ADORA2B: variants seen among roughly 807,000 people sequenced by gnomAD.
The protein encoded by ADORA2B is adenosine A2b receptor, also known as adenosine receptor A2b.
In ADORA2B, 18 loss-of-function variants were observed where a neutral mutation model predicts 20.8. The ratio of observed to expected loss-of-function variants is 0.87; its 90% CI spans 0.60 to 1.29. The LOEUF is 1.29. Among genes scored for constraint, ADORA2B ranks in the 50% most tolerant of loss-of-function variants. The probability of loss-of-function intolerance (pLI) is 0.00; values close to 1 mark genes in which losing one functional copy is unlikely to be tolerated. For synonymous variants in ADORA2B, 179 were observed against 178.3 expected, an observed-to-expected ratio of 1.00 and a Z score of -0.03; for missense variants, 441 against 422.7, an observed-to-expected ratio of 1.04 and a Z score of -0.38.
At chr17:15,908,331 GA>G in the ADORA2B span, among the ~76,000 whole-genome samples, 3 of 152,192 alleles carry the variant, frequency 2.0e-5, no homozygotes, top group African/African-American at 7.2e-5. Context: ...TCCGTTTTTG[GA>G]AAGGGGTAGT....
At chr17:15,860,468 GTC>G in the ADORA2B span, among the ~76,000 whole-genome samples, 142 of 140,232 alleles carry the variant, frequency 1.0e-3, no homozygotes, top group Admixed American at 9.8e-4. Flanking sequence ...CTGCCACTCT[GTC>G]TCTCTCTCTC....
At chr17:15,942,409 G>A (rs1453069871), upstream of ADORA2B, among the ~76,000 whole-genome samples, 7 of 152,124 alleles carry the variant, frequency 4.6e-5, no homozygotes. Flanking sequence ...AAGCCAAGCA[G>A]ATGCTGGCAC....
chr17:15,867,473 C>T, the ADORA2B span, among the ~76,000 whole-genome samples: 100 of 148,940 alleles, frequency 6.7e-4, 2 homozygotes, highest in Admixed American at 1.3e-3. Flanking sequence ...GCCTGGCAAC[C>T]GCCCCGTCTG....
chr17:15,863,980 G>C, the ADORA2B span: 1 of 164,232 alleles, frequency 6.1e-6, no homozygotes, highest in Non-Finnish European at 1.4e-5. Flanking sequence ...TTCTAAAGTA[G>C]GTATTTAGTT....
the ADORA2B span, among the ~76,000 whole-genome samples, chr17:15,906,227 T>C: frequency 6.6e-6 from 1 of 152,250 alleles, no homozygotes; most frequent in Admixed American, 6.5e-5. Context: ...CATTATTAAG[T>C]ATGATGTTAG....
chr17:15,912,108 G>A, the ADORA2B span, among the ~76,000 whole-genome samples: 36 of 152,146 alleles, frequency 2.4e-4, no homozygotes, highest in East Asian at 6.4e-3. Flanking sequence ...CAGCTACTCA[G>A]GAGGCTGAGG....
chr17:15,973,262 CATG>C (rs1212551651), intron 1 of ADORA2B, among the ~76,000 whole-genome samples: 1 of 152,184 alleles, frequency 6.6e-6, no homozygotes, highest in Non-Finnish European at 1.5e-5. Flanking sequence ...TCACCTTATC[CATG>C]ATGTCAGCCT....
At chr17:15,892,823 G>A in the ADORA2B span, among the ~76,000 whole-genome samples, 1 of 152,068 alleles carries the variant, frequency 6.6e-6, no homozygotes, top group Non-Finnish European at 1.5e-5. Context: ...AATTCAGTGT[G>A]TACCCTGCAG....
At chr17:15,971,305 G>A (rs889237815) in intron 1 of ADORA2B, among the ~76,000 whole-genome samples, 2 of 152,234 alleles carry the variant, frequency 1.3e-5, no homozygotes, top group African/African-American at 4.8e-5. Flanking sequence ...GAGAACAACT[G>A]TTTTTAAGGA....
the ADORA2B span, among the ~76,000 whole-genome samples, chr17:15,906,046 A>G: frequency 2.6e-5 from 4 of 152,268 alleles, no homozygotes; most frequent in Admixed American, 6.5e-5. Flanking sequence ...CAATCATGTC[A>G]TCTTCAAACA....
chr17:15,896,901 G>A, the ADORA2B span, among the ~76,000 whole-genome samples: 1 of 152,224 alleles, frequency 6.6e-6, no homozygotes, highest in African/African-American at 2.4e-5. Flanking sequence ...CATGGTCCCA[G>A]GCCGCAAGGG....
the ADORA2B span, among the ~76,000 whole-genome samples, chr17:15,876,388 G>C: frequency 6.8e-6 from 1 of 148,066 alleles, no homozygotes; most frequent in Non-Finnish European, 1.5e-5. Context: ...TTCCAGTGTG[G>C]TTTGCCTTGC....
the ADORA2B span, among the ~76,000 whole-genome samples, chr17:15,868,942 G>A: frequency 2.0e-5 from 3 of 151,150 alleles, no homozygotes; most frequent in Admixed American, 1.3e-4. Flanking sequence ...GGAGTACATC[G>A]GGTGGAGTAG....
the ADORA2B span, among the ~76,000 whole-genome samples, chr17:15,921,645 G>A: frequency 7.2e-5 from 11 of 152,088 alleles, no homozygotes; most frequent in Admixed American, 6.5e-5. Context: ...GTTAGAATTA[G>A]GTTAAGTGGC....
Position 15,959,368 on chromosome 17 carries a change from T to G in ADORA2B, c.335+13785T>G, listed in dbSNP as rs73978562. On this transcript the variant is annotated intron_variant, in intron 1 of 1. Transcript: ENST00000304222. ...CTGAAACAGTGTATTGTTTCACAGC[T>G]TTTAAGTTGCATGACTAATACAGTG... Among the ~76,000 whole-genome samples, 954 of 152,356 alleles carry G rather than the reference T, an allele frequency of 6.3e-3. 8 individuals are homozygous for G. The highest frequency in any genetic ancestry group is 0.022 in the African/African-American group (913 of 41,586).
intron 1 of ADORA2B, among the ~76,000 whole-genome samples, chr17:15,949,515 A>G (rs1369751259): frequency 6.6e-6 from 1 of 152,192 alleles, no homozygotes; most frequent in Admixed American, 6.5e-5. Context: ...TGTGTCTCAC[A>G]CATACACAAA....
chr17:15,949,534 C>G (rs1343467909), intron 1 of ADORA2B, among the ~76,000 whole-genome samples: 1 of 151,958 alleles, frequency 6.6e-6, no homozygotes, highest in Non-Finnish European at 1.5e-5. Flanking sequence ...AAAAATTAAG[C>G]TATAATTCCC....
At chr17:15,885,204 C>T in the ADORA2B span, among the ~76,000 whole-genome samples, 4 of 152,122 alleles carry the variant, frequency 2.6e-5, no homozygotes, top group Non-Finnish European at 4.4e-5. Flanking sequence ...TTCTCCGCCA[C>T]GTGAATGTCT....
the ADORA2B span, among the ~76,000 whole-genome samples, chr17:15,876,196 G>C: frequency 6.6e-6 from 1 of 151,948 alleles, no homozygotes. Context: ...CCTAATGCTT[G>C]ATGGTTTCCT....
Sources: gnomAD v4.1 joint callset for allele counts (sites outside exome capture counted in the v4.1 genomes callset) on GRCh38, gnomAD v4.1.1 for gene constraint, MANE v1.5 for transcripts, NCBI Gene and HGNC (gene_info 2026-07-23, HGNC 2026-07-21) for gene names.